The following ANO2 variants were observed in gnomAD, a reference collection of about 807,000 sequenced individuals.
ANO2 encodes the protein anoctamin 2.
In ANO2, 101 loss-of-function variants were observed where a neutral mutation model predicts 124.2. That is an observed-to-expected ratio of 0.81 (90% confidence interval 0.69 to 0.96). ANO2 has a LOEUF of 0.96. Among genes scored for constraint, ANO2 ranks in the 40% least tolerant of loss-of-function variants. The probability of loss-of-function intolerance (pLI) is 0.00; values close to 1 mark genes in which losing one functional copy is unlikely to be tolerated. For missense variants in ANO2, 1,293 were observed against 1,274.5 expected (o/e 1.01, Z -0.22); for synonymous variants, 486 against 482.5 (o/e 1.01, Z -0.09).
At chr12:5,854,234 C>T in intron 3 of ANO2, 93 bp from the exon 4 acceptor site, 4 of 1,146,096 alleles carry the variant, frequency 3.5e-6, no homozygotes, top group African/African-American at 1.6e-5. Context: ...GGAGCCCAAC[C>T]CGTTGTTCTT....
intron 4 of ANO2, among the ~76,000 whole-genome samples, chr12:5,851,600 G>C (rs1954909341): frequency 6.6e-6 from 1 of 151,510 alleles, no homozygotes; most frequent in South Asian, 2.1e-4. Flanking sequence ...CAGGAGAATT[G>C]CTTGAACCTG....
chr12:5,704,851 C>G (rs1217329757), intron 14 of ANO2, among the ~76,000 whole-genome samples: 1 of 152,136 alleles, frequency 6.6e-6, no homozygotes, highest in East Asian at 1.9e-4. Flanking sequence ...AAAGAAATCA[C>G]AGATTATAAC....
At chr12:5,786,332 T>C (rs1952538818) in intron 10 of ANO2, among the ~76,000 whole-genome samples, 2 of 152,126 alleles carry the variant, frequency 1.3e-5, no homozygotes, top group Non-Finnish European at 2.9e-5. Context: ...ACCTAGAGTG[T>C]CATGCACCAC....
intron 16 of ANO2, among the ~76,000 whole-genome samples, chr12:5,616,187 A>G (rs1944798155): frequency 6.6e-6 from 1 of 152,198 alleles, no homozygotes; most frequent in African/African-American, 2.4e-5. Context: ...ATAACAAGCT[A>G]CCATAAACTG....
At chr12:5,835,216 C>T (rs1229493968) in intron 4 of ANO2, among the ~76,000 whole-genome samples, 4 of 152,166 alleles carry the variant, frequency 2.6e-5, no homozygotes, top group Non-Finnish European at 4.4e-5. Flanking sequence ...GAGGTTTACA[C>T]GGGCTGGTTT....
intron 20 of ANO2, among the ~76,000 whole-genome samples, chr12:5,589,909 C>T (rs1447665313): frequency 3.3e-5 from 5 of 152,032 alleles, no homozygotes; most frequent in Non-Finnish European, 7.4e-5. Context: ...GGGAGGGCCT[C>T]GCTAGGAGCA....
intron 4 of ANO2, among the ~76,000 whole-genome samples, chr12:5,852,471 G>A (rs950768278): frequency 6.6e-6 from 1 of 152,116 alleles, no homozygotes; most frequent in Non-Finnish European, 1.5e-5. Flanking sequence ...TCCACCTGCC[G>A]TGGAGTTATT....
chr12:5,842,259 C>T (rs1463275935), intron 4 of ANO2, among the ~76,000 whole-genome samples: 1 of 152,150 alleles, frequency 6.6e-6, no homozygotes, highest in African/African-American at 2.4e-5. Context: ...TTATTAGCAC[C>T]ACTATATCAC....
chr12:5,638,442 A>G (rs78279429), intron 15 of ANO2, among the ~76,000 whole-genome samples: 2 of 102,038 alleles, frequency 2.0e-5, no homozygotes, highest in African/African-American at 3.5e-5. Flanking sequence ...TCATCATGTT[A>G]GCCAGGATGG....
At chr12:5,584,137 C>CCA (rs1555088573) in intron 20 of ANO2, 3 of 165,162 alleles carry the variant, frequency 1.8e-5, no homozygotes, top group Non-Finnish European at 3.9e-5. Flanking sequence ...GAACACCCCC[C>CCA]CCCCGCCGCA....
rs1448445540 is a variant in ANO2 at position 5,669,032 on chromosome 12, CT to C, written c.1546-21232del. Among the ~76,000 whole-genome samples, 13 of 151,248 alleles carry C rather than the reference CT, an allele frequency of 8.6e-5. No homozygotes were observed. In the East Asian group the frequency reaches 2.3e-3, roughly 27 times the overall value. On this transcript the variant is annotated intron_variant, in intron 14 of 24. Coordinates refer to ENST00000682330, the MANE Select transcript of ANO2 (RefSeq NM_001364791.2). ...TAGGATTGTCTTGGTTATACAAGCT[CT>C]TTTTTTAGTACCATATGAATTTTAA...
chr12:5,871,480 T>C (rs1028566660), intron 3 of ANO2, among the ~76,000 whole-genome samples: 3 of 152,060 alleles, frequency 2.0e-5, no homozygotes, highest in African/African-American at 7.2e-5. Flanking sequence ...CTGGGCTGCA[T>C]AGCAGGAGGT....
chr12:5,690,588 CAA>C (rs561012874), intron 14 of ANO2, among the ~76,000 whole-genome samples: 3 of 152,156 alleles, frequency 2.0e-5, no homozygotes, highest in Non-Finnish European at 4.4e-5. Flanking sequence ...GCAAGAGTTC[CAA>C]AGAGTGATTG....
At chr12:5,757,591 A>G (rs1334044888) in intron 10 of ANO2, among the ~76,000 whole-genome samples, 2 of 152,214 alleles carry the variant, frequency 1.3e-5, no homozygotes, top group Non-Finnish European at 2.9e-5. Flanking sequence ...TTTACCCACC[A>G]CCACAGGTTC....
At chr12:5,583,908 A>G (rs1942926849) in intron 20 of ANO2, 1 of 217,120 alleles carries the variant, frequency 4.6e-6, no homozygotes, top group Non-Finnish European at 1.0e-5. Context: ...GGTCAACCTC[A>G]CCACCACAGA....
At chr12:5,866,497 A>G (rs1051543242) in intron 3 of ANO2, among the ~76,000 whole-genome samples, 1 of 152,236 alleles carries the variant, frequency 6.6e-6, no homozygotes, top group African/African-American at 2.4e-5. Flanking sequence ...TCTCACTGAT[A>G]TAAGAAACTA....
At chr12:5,876,898 G>C (rs1224564050) in intron 3 of ANO2, among the ~76,000 whole-genome samples, 1 of 152,158 alleles carries the variant, frequency 6.6e-6, no homozygotes, top group African/African-American at 2.4e-5. Context: ...GATAGGTGCA[G>C]CAAACCACCA....
At chr12:5,794,234 T>A (rs937300245) in intron 10 of ANO2, among the ~76,000 whole-genome samples, 1 of 152,182 alleles carries the variant, frequency 6.6e-6, no homozygotes, top group African/African-American at 2.4e-5. Context: ...ATGGTGCTGA[T>A]CCCACGTGTC....
At chr12:5,579,048 C>T (rs1320724326) in intron 20 of ANO2, among the ~76,000 whole-genome samples, 1 of 152,246 alleles carries the variant, frequency 6.6e-6, no homozygotes, top group Non-Finnish European at 1.5e-5. Context: ...CACAGTTTGC[C>T]TTCCCTTGAA....
Sources: allele counts gnomAD v4.1 joint callset (sites outside exome capture counted in the v4.1 genomes callset), GRCh38; gene constraint gnomAD v4.1.1; transcripts MANE v1.5; gene names NCBI Gene and HGNC (gene_info 2026-07-23, HGNC 2026-07-21).